Variants in PTCH1 observed in about 807,000 individuals in gnomAD.
PTCH1 encodes the protein patched 1, also known as protein patched homolog 1.
PTCH1 carries 14 observed loss-of-function variants against 144.6 expected under a neutral mutation model. The observed-to-expected ratio is 0.10, with a 90% CI of 0.06 to 0.15. The LOEUF is 0.15. Among genes scored for constraint, PTCH1 ranks in the 10% least tolerant of loss-of-function variants. The pLI is 1.00. For synonymous variants in PTCH1, 833 were observed against 793.6 expected, an observed-to-expected ratio of 1.05 and a Z score of -0.83; for missense variants, 1,623 against 1,948.3, an observed-to-expected ratio of 0.83 and a Z score of 3.14.
At chr9:95,469,336 T>C in intron 13 of PTCH1, 183 bp from the exon 14 acceptor site, 1 of 919,180 alleles carries the variant, frequency 1.1e-6, no homozygotes, top group East Asian at 2.6e-5. Context: ...GTTCATCGCC[T>C]GGTGAACTAG....
chr9:95,453,611 T>C lies in PTCH1; in HGVS notation c.3316A>G (p.Thr1106Ala). ...CTGCGGTTCTTGTCGCCGATGGCCGTCAGAAAGGCCTGTGCAATGAGGATG... is the reference window on the plus strand; with the variant it reads ...CTGCGGTTCTTGTCGCCGATGGCCGCCAGAAAGGCCTGTGCAATGAGGATG... The part of the protein sequence containing the change: ...FTVHVALAFL[T>A]AIGDKNRRAV... The change falls in exon 20 of 24, where the codon ACG becomes GCG. Residue 1106 changes from threonine to alanine, a missense_variant. Thr to Ala is a moderately conservative substitution (Grantham distance 58). Around this residue, in one of 7 missense-constraint regions of PTCH1, gnomAD observed 504 missense variants for 679.3 expected, o/e 0.74. Coordinates refer to ENST00000331920, the MANE Select transcript of PTCH1 (RefSeq NM_000264.5). 3 of 1,613,684 alleles carry C rather than the reference T, an allele frequency of 1.9e-6. No individual in the cohort carries two copies. The highest frequency in any genetic ancestry group is 2.5e-6 in the Non-Finnish European group (3 of 1,180,010).
intron 2 of PTCH1, among the ~76,000 whole-genome samples, chr9:95,505,824 T>A (rs1843538077): frequency 6.6e-6 from 1 of 151,044 alleles, no homozygotes; most frequent in Non-Finnish European, 1.5e-5. Context: ...CCCTCAGAGT[T>A]GAAAGCTGTC....
In PTCH1 at chr9:95,469,853, G is replaced by A. The variant is rs2118091748; in HGVS notation, c.1807C>T (p.Arg603Cys). The change falls in exon 13 of 24, where the codon CGC becomes TGC. Residue 603 changes from arginine (R) to cysteine (C), a missense_variant. By Grantham distance (180) the Arg-to-Cys change is radical. This residue lies in a region of PTCH1 where 135 missense variants were observed against 228.7 expected (regional missense o/e 0.59). Transcript: ENST00000331920. ...AAAATATCCAGTCTCCTGTCCTCGC[G>A]TCGATATAAATCCATGCTGAGAATT... ...PAILSMDLYR[R>C]EDRRLDIFCC... 6.2e-7 allele frequency: 1 copy of A among 1,614,046 alleles called. No homozygotes were observed. Among genetic ancestry groups the A allele is most frequent in the Non-Finnish European group, 8.5e-7 (1 of 1,179,980 alleles).
Position 95,506,398 on chromosome 9 carries a change from C to T in PTCH1, c.394+9G>A, listed in dbSNP as rs1587692775. 1 of 1,608,106 alleles carries T rather than the reference C, an allele frequency of 6.2e-7. No homozygotes were observed. The highest frequency in any genetic ancestry group is 8.5e-7 in the Non-Finnish European group (1 of 1,178,218). On this transcript the variant is annotated intron_variant, in intron 2 of 23. Transcript: ENST00000331920. ...CCGGGGGCGCGGGCGCCGCGGCGGG[C>T]GCTCTTACCTTCCACCCACAGCTCC... is the stretch of plus-strand genomic sequence containing the variant.
chr9:95,461,735 G>C, intron 16 of PTCH1, 121 bp downstream of exon 16: 1 of 1,368,662 alleles, frequency 7.3e-7, no homozygotes. Flanking sequence ...CTTTCTACCA[G>C]CTCCCAGTGC....
At position 95,458,974 on chromosome 9, in the gene PTCH1, T is replaced by C. The variant is rs1473039829; in HGVS notation, c.2887+626A>G. Among the ~76,000 whole-genome samples the C allele has an allele frequency of 6.6e-6, 1 of 152,186 alleles. No homozygotes were observed. Among genetic ancestry groups the C allele is most frequent in the African/African-American group, 2.4e-5 (1 of 41,450 alleles). The stretch of plus-strand genomic sequence containing the variant: ...CTACTCGCTGAGTCTCCAGCCATGT[T>C]TGCAAGGGGACCCGTCTTCTTTCTC... On this transcript the variant is annotated intron_variant, in intron 17 of 23. Coordinates refer to ENST00000331920, the MANE Select transcript of PTCH1 (RefSeq NM_000264.5). This position sits in a 1 kb window ranked among gnomAD's most constrained non-coding sequence, Gnocchi z 4.7.
In PTCH1 at chr9:95,482,020, A is replaced by C; in HGVS notation, c.675T>G (p.Pro225=). Residue 225 remains proline (P), a synonymous_variant, in exon 5 of 24, where the codon CCT becomes CCG. Transcript: ENST00000331920. ...YMDQIIEYLY[P]CLIITPLDCF... The stretch of plus-strand genomic sequence containing the variant: ...AGTCCAAAGGTGTAATAATCAAACA[A>C]GGGTAAAGATATTCTATTATCTGTC... 2 of 1,613,924 alleles carry C rather than the reference A, an allele frequency of 1.2e-6. No homozygotes were observed. Among genetic ancestry groups the C allele is most frequent in the Non-Finnish European group, 1.7e-6 (2 of 1,179,798 alleles).
In PTCH1 at chr9:95,508,165, G is replaced by C; in HGVS notation, c.197C>G (p.Ser66Cys). The change falls in exon 1 of 24, where the codon TCC becomes TGC. Residue 66 changes from serine to cysteine, a missense_variant. By Grantham distance (112) the Ser-to-Cys change is moderately radical (BLOSUM62 -1). This residue lies in a region of PTCH1 where 245 missense variants were observed against 240.6 expected (regional missense o/e 1.02). Transcript: ENST00000331920. ...CDAAFALEQISKGKATGRKAP... is the reference protein window; with the variant it reads ...CDAAFALEQICKGKATGRKAP... The stretch of plus-strand genomic sequence containing the variant: ...AGGAGAGAGTCTGAAATGCACCTTG[G>C]AAATCTGCTCCAGAGCGAAGGCGGC... 6.2e-7 allele frequency: 1 copy of C among 1,612,738 alleles called. No individual in the cohort carries two copies. The highest frequency in any genetic ancestry group is 2.2e-5 in the East Asian group (1 of 44,848).
At chr9:95,515,300 C>A (rs1256312434) in intron 1 of PTCH1, among the ~76,000 whole-genome samples, 1 of 152,154 alleles carries the variant, frequency 6.6e-6, no homozygotes, top group African/African-American at 2.4e-5. Flanking sequence ...ATATTTAGAG[C>A]CACCCATTGT....
At chr9:95,506,081 C>T (rs1843588576) in intron 2 of PTCH1, among the ~76,000 whole-genome samples, 1 of 147,822 alleles carries the variant, frequency 6.8e-6, no homozygotes, top group South Asian at 2.1e-4. Flanking sequence ...GGGCGCGGCC[C>T]AGGCGGACAG....
intron 16 of PTCH1, among the ~76,000 whole-genome samples, chr9:95,461,612 G>A (rs759784694): frequency 3.9e-5 from 6 of 152,242 alleles, no homozygotes; most frequent in Non-Finnish European, 5.9e-5. Context: ...AATTGTTCTG[G>A]TGGTAGGAAC....
At position 95,506,420 on chromosome 9, in the gene PTCH1, C is replaced by G. The variant is rs1232294231; in HGVS notation, c.381G>C (p.Glu127Asp). Residue 127 changes from glutamate (E) to aspartate (D), a missense_variant, in exon 2 of 24, where the codon GAG becomes GAC. Transcript: ENST00000331920. ...KAANLETNVE[E>D]LWVEVGGRVS... ...GGGCGCTCTTACCTTCCACCCACAG[C>G]TCCTCCACGTTGGTCTCGAGGTTCG... 2 of 1,611,442 alleles carry G rather than the reference C, an allele frequency of 1.2e-6. No homozygotes were observed. The highest frequency in any genetic ancestry group is 2.2e-5 in the East Asian group (1 of 44,760).
intron 23 of PTCH1, 25 bp downstream of exon 23, chr9:95,446,886 G>A (rs755193812): frequency 6.2e-7 from 1 of 1,613,204 alleles, no homozygotes; most frequent in South Asian, 1.1e-5. Context: ...TAGGTCCCTT[G>A]GCTGCCCTTG....
At chr9:95,459,506 G>C in intron 17 of PTCH1, 94 bp downstream of exon 17, 1 of 1,440,162 alleles carries the variant, frequency 6.9e-7, no homozygotes, top group East Asian at 2.3e-5. Flanking sequence ...CTGAACCCTG[G>C]GTAGCGTCAA....
At chr9:95,505,915 G>A (rs908119911) in intron 2 of PTCH1, among the ~76,000 whole-genome samples, 12 of 146,206 alleles carry the variant, frequency 8.2e-5, no homozygotes, top group African/African-American at 3.0e-4. Context: ...CGGCGGCCGC[G>A]GCCGCCGGGG....
At chr9:95,513,876 G>A (rs1295604640), upstream of PTCH1, among the ~76,000 whole-genome samples, 1 of 151,968 alleles carries the variant, frequency 6.6e-6, no homozygotes, top group African/African-American at 2.4e-5. Flanking sequence ...TCAAAATAAT[G>A]CTGCTAATTA....
chr9:95,454,561 T>C (rs981257850), intron 19 of PTCH1, among the ~76,000 whole-genome samples: 1 of 152,274 alleles, frequency 6.6e-6, no homozygotes, highest in African/African-American at 2.4e-5. Context: ...AGGGTCAATA[T>C]AGCTGCCTTC....
chr9:95,496,717 A>G (rs562128749), intron 2 of PTCH1, among the ~76,000 whole-genome samples: 1 of 152,274 alleles, frequency 6.6e-6, no homozygotes, highest in Non-Finnish European at 1.5e-5. Context: ...AAATGATGGT[A>G]TCATATTTAT....
exon 1 of PTCH1, chr9:95,516,755 G>C: frequency 2.5e-6 from 4 of 1,613,304 alleles, no homozygotes; most frequent in Non-Finnish European, 3.4e-6. Flanking sequence ...CTGGGCCGCC[G>C]GAGGCTTTCG....
Sources: allele counts gnomAD v4.1 joint callset (sites outside exome capture counted in the v4.1 genomes callset), GRCh38; gene constraint gnomAD v4.1.1; regional missense constraint gnomAD v4.1.1; non-coding constraint Gnocchi (gnomAD v3.1); transcripts MANE v1.5; gene names NCBI Gene and HGNC (gene_info 2026-07-23, HGNC 2026-07-21).